SYNE1: variants seen among roughly 807,000 people sequenced by gnomAD.
SYNE1 encodes nesprin-1.
In SYNE1, 616 loss-of-function variants were observed where a neutral mutation model predicts 1,111.0. The observed-to-expected ratio is 0.55, with a 90% CI of 0.52 to 0.59. The LOEUF (loss-of-function observed/expected upper bound fraction) is 0.59, where lower values mean the gene tolerates loss of function less well. Among genes scored for constraint, SYNE1 ranks in the 20% least tolerant of loss-of-function variants. The pLI, the probability that SYNE1 is intolerant of heterozygous loss-of-function variation, is 0.00. For synonymous variants in SYNE1, 3,855 were observed against 3,825.8 expected (o/e 1.01, Z -0.28); for missense variants, 10,006 against 10,417.0 (o/e 0.96, Z 1.72).
Position 152,330,025 on chromosome 6 carries a change from A to G in SYNE1, c.14660T>C (p.Ile4887Thr). Residue 4887 changes from isoleucine to threonine, a missense_variant, in exon 78 of 146, where the codon ATA becomes ACA. Transcript: ENST00000367255. ...GCGACTCATCTCAGTCTGGAAGTCT[A>G]TACTCTGCACCATTCGGCTCTCACA... is the stretch of plus-strand genomic sequence containing the variant. ...TECESRMVQS[I>T]DFQTEMSRSL... 1 of 1,614,102 alleles carries G rather than the reference A, an allele frequency of 6.2e-7. No homozygotes were observed. The highest frequency in any genetic ancestry group is 1.1e-5 in the South Asian group (1 of 91,078).
At chr6:152,257,441 G>A (rs2091095075) in intron 101 of SYNE1, among the ~76,000 whole-genome samples, 1 of 152,166 alleles carries the variant, frequency 6.6e-6, no homozygotes. Context: ...ACTGAGGCAC[G>A]AGAATTGCTT....
At position 152,122,565 on chromosome 6, in the gene SYNE1, CAGG is replaced by C; in HGVS notation, c.26262_26264del (p.Leu8758del). On this transcript the variant is annotated inframe_deletion, in exon 146 of 146. Transcript: ENST00000367255. ...GGCAGGCAAGCCCGATGAGGAGGAG[CAGG>C]AGAAGCTGAAGGGGAAGAGCTGCTC... The C allele has an allele frequency of 1.2e-6, 2 of 1,614,148 alleles. No homozygotes were observed. Among genetic ancestry groups the C allele is most frequent in the Non-Finnish European group, 8.5e-7 (1 of 1,180,030 alleles).
chr6:152,227,225 A>T (rs939865252), intron 115 of SYNE1, among the ~76,000 whole-genome samples: 1 of 152,190 alleles, frequency 6.6e-6, no homozygotes, highest in African/African-American at 2.4e-5. Context: ...AGTAATAATA[A>T]GACATTTTCT....
At chr6:152,131,726 G>A (rs896230851) in intron 144 of SYNE1, among the ~76,000 whole-genome samples, 31 of 152,116 alleles carry the variant, frequency 2.0e-4, no homozygotes, top group Admixed American at 1.0e-3. Context: ...GCTCACAGGC[G>A]TTCACGGTTC....
chr6:152,476,651 T>C (rs980585601), intron 14 of SYNE1, among the ~76,000 whole-genome samples: 4 of 152,100 alleles, frequency 2.6e-5, no homozygotes, highest in African/African-American at 9.7e-5. Flanking sequence ...GGCAGATCAC[T>C]TGCACCCAGG....
chr6:152,386,939 G>T, intron 54 of SYNE1, 133 bp downstream of exon 54: 2 of 754,254 alleles, frequency 2.7e-6, no homozygotes, highest in African/African-American at 1.8e-5. Flanking sequence ...TTTTAGAGCA[G>T]CCAATTCTCC....
At chr6:152,538,974 A>G (rs896777598) in intron 4 of SYNE1, among the ~76,000 whole-genome samples, 1 of 152,200 alleles carries the variant, frequency 6.6e-6, no homozygotes, top group Non-Finnish European at 1.5e-5. Context: ...CAAAGTAAGC[A>G]GTGAATCTGT....
In SYNE1 at chr6:152,206,351, T is replaced by C. The variant is rs759392752; in HGVS notation, c.22836A>G (p.Lys7612=). 1.4e-5 allele frequency: 22 copies of C among 1,613,764 alleles called. No homozygotes were observed. The highest frequency in any genetic ancestry group is 3.3e-5 in the South Asian group (3 of 91,062). Residue 7612 remains lysine, a synonymous_variant, in exon 126 of 146, where the codon AAA becomes AAG. Transcript: ENST00000367255. ...AGCTGCCTTGTTGCCGCAGAAACACTTTTTCTTTGAACTGAAAGGAACCAT... is the reference window on the plus strand; with the variant it reads ...AGCTGCCTTGTTGCCGCAGAAACACCTTTTCTTTGAACTGAAAGGAACCAT... ...TLFDEVQFKE[K]VFLRQQGSYI...
At chr6:152,320,957 T>C (rs2095856583) in intron 84 of SYNE1, among the ~76,000 whole-genome samples, 1 of 152,218 alleles carries the variant, frequency 6.6e-6, no homozygotes, top group South Asian at 2.1e-4. Flanking sequence ...AAATATTTGT[T>C]GAACACATGA....
chr6:152,176,315 A>T (rs2066446776), intron 130 of SYNE1, 79 bp downstream of exon 130: 5 of 1,584,942 alleles, frequency 3.2e-6, no homozygotes, highest in Non-Finnish European at 4.3e-6. Flanking sequence ...TTATTGGATT[A>T]TCTTTGGCTG....
chr6:152,375,785 G>A (rs2097269610), intron 58 of SYNE1, among the ~76,000 whole-genome samples: 2 of 152,104 alleles, frequency 1.3e-5, no homozygotes. Flanking sequence ...AACAATGCTT[G>A]TCACATAGAA....
At chr6:152,545,934 C>T (rs2099310300) in intron 3 of SYNE1, 1 of 151,962 alleles carries the variant, frequency 6.6e-6, no homozygotes, top group African/African-American at 2.4e-5. Context: ...TCATTGCAGG[C>T]AAATACACCT....
At chr6:152,486,032 T>C (rs898189277) in intron 12 of SYNE1, among the ~76,000 whole-genome samples, 3 of 151,908 alleles carry the variant, frequency 2.0e-5, no homozygotes, top group African/African-American at 7.3e-5. Context: ...CCGTCGCCAT[T>C]AAAAATACAA....
Position 152,331,275 on chromosome 6 carries a change from C to T in SYNE1, c.13410G>A (p.Gln4470=). 1 of 1,614,066 alleles carries T rather than the reference C, an allele frequency of 6.2e-7. No individual in the cohort carries two copies. The highest frequency in any genetic ancestry group is 8.5e-7 in the Non-Finnish European group (1 of 1,180,026). The change falls in exon 78 of 146, where the codon CAG becomes CAA. Residue 4470 remains glutamine, a synonymous_variant. Coordinates refer to ENST00000367255, the MANE Select transcript of SYNE1 (RefSeq NM_182961.4). ...MAVFQATSQI[Q]QHERKIMFRE... is the part of the protein sequence containing the mutation. The stretch of plus-strand genomic sequence containing the variant: ...GGAACATTATCTTTCGCTCATGTTG[C>T]TGAATTTGGCTGGTGGCCTGGAACA...
chr6:152,358,640 A>T, intron 65 of SYNE1, 103 bp from the exon 66 acceptor site: 1 of 1,134,664 alleles, frequency 8.8e-7, no homozygotes, highest in South Asian at 1.4e-5. Context: ...ATAATTATTG[A>T]GACATTAGAA....
intron 3 of SYNE1, among the ~76,000 whole-genome samples, chr6:152,563,437 T>C (rs1033676206): frequency 6.6e-6 from 1 of 152,184 alleles, no homozygotes; most frequent in Non-Finnish European, 1.5e-5. Context: ...TCAGATGCAC[T>C]TTTGGTGAAA....
chr6:152,130,604 G>A (rs2152685571), intron 145 of SYNE1, 116 bp downstream of exon 145: 1 of 999,464 alleles, frequency 1.0e-6, no homozygotes. Flanking sequence ...GGACTGAAAT[G>A]AGTAATTTCC....
At chr6:152,300,593 T>G in intron 93 of SYNE1, 48 bp downstream of exon 93, 3 of 1,613,056 alleles carry the variant, frequency 1.9e-6, no homozygotes, top group Middle Eastern at 3.5e-4. Context: ...AATGGAGTCC[T>G]GCATCTGCCC....
At chr6:152,590,036 C>T (rs905490973) in intron 3 of SYNE1, among the ~76,000 whole-genome samples, 1 of 150,828 alleles carries the variant, frequency 6.6e-6, no homozygotes, top group Non-Finnish European at 1.5e-5. Flanking sequence ...TAGGCTCAAG[C>T]AACCCTCTTG....
Sources: gnomAD v4.1 joint callset for allele counts (sites outside exome capture counted in the v4.1 genomes callset) on GRCh38, gnomAD v4.1.1 for gene constraint, MANE v1.5 for transcripts, NCBI Gene and HGNC (gene_info 2026-07-23, HGNC 2026-07-21) for gene names.